Variants in USP25 observed in about 807,000 individuals in gnomAD.
The protein encoded by USP25 is ubiquitin specific peptidase 25, also known as ubiquitin carboxyl-terminal hydrolase 25.
USP25 carries 85 observed loss-of-function variants against 158.5 expected under a neutral mutation model. That is an observed-to-expected ratio of 0.54 (90% CI 0.45 to 0.64). The LOEUF (loss-of-function observed/expected upper bound fraction) is 0.64, where lower values mean the gene tolerates loss of function less well. USP25 is among the 30% of genes least tolerant of loss of function. The probability of loss-of-function intolerance (pLI) is 0.00; values close to 1 mark genes in which losing one functional copy is unlikely to be tolerated. For synonymous variants in USP25, 464 were observed against 460.4 expected (o/e 1.01, Z -0.10); for missense variants, 1,242 against 1,327.3 (o/e 0.94, Z 1.00).
chr21:15,835,884 T>C (rs1273681279), intron 17 of USP25, among the ~76,000 whole-genome samples: 1 of 152,196 alleles, frequency 6.6e-6, no homozygotes, highest in Non-Finnish European at 1.5e-5. Context: ...ATCTTTGAGA[T>C]TATATTAAGA....
chr21:15,822,651 A>G (rs1453213883), intron 10 of USP25, among the ~76,000 whole-genome samples: 1 of 151,978 alleles, frequency 6.6e-6, no homozygotes, highest in South Asian at 2.1e-4. Flanking sequence ...TAAAGAATCA[A>G]AAGTGTTCTT....
chr21:15,759,893 G>A (rs2033623863), intron 1 of USP25, among the ~76,000 whole-genome samples: 1 of 152,056 alleles, frequency 6.6e-6, no homozygotes, highest in Admixed American at 6.5e-5. Context: ...TTCTCAATTC[G>A]GCTCTGTAAA....
In USP25 at chr21:15,877,845, A is replaced by T; in HGVS notation, c.3059A>T (p.Glu1020Val). 6.2e-7 allele frequency: 1 copy of T among 1,613,284 alleles called. No individual in the cohort carries two copies. The change falls in exon 25 of 26, where the codon GAA becomes GTA. Residue 1020 changes from glutamate to valine, a missense_variant. Glu to Val is a moderately radical substitution (Grantham distance 121). Around this residue, in one of 3 missense-constraint regions of USP25, gnomAD observed 608 missense variants for 605.2 expected, o/e 1.00. Coordinates refer to ENST00000400183, the MANE Select transcript of USP25 (RefSeq NM_001283041.3). ...CTCTTCGAATCTGGAGAGGATCGAG[A>T]AGTAAACAATGGTTTGATTATCATG... ...AELFESGEDR[E>V]VNNGLIIMNE...
chr21:15,841,369 T>C (rs900793226), intron 17 of USP25, among the ~76,000 whole-genome samples: 12 of 152,186 alleles, frequency 7.9e-5, no homozygotes, highest in African/African-American at 2.7e-4. Flanking sequence ...TCTAATTCGT[T>C]CTTCACAATA....
chr21:15,805,055 T>A lies in USP25; in HGVS notation c.643-66T>A, dbSNP rs139765844. 9.6e-6 allele frequency: 14 copies of A among 1,460,760 alleles called. No homozygotes were observed. The South Asian group carries it at 1.7e-4, about 18-fold the overall frequency. 90.5% of individuals were successfully genotyped at this position (1,460,760 alleles called of 1,614,324 possible). A position where few individuals can be genotyped will look rare whatever the true frequency, so the allele number is the denominator to read the frequency against. ...TTTTGGTTACTGTTAAAATGAATAT[T>A]TATTAGTAAAAATTTTCTTAATCTT... On this transcript the variant is annotated intron_variant, in intron 6 of 25. Coordinates refer to ENST00000400183, the MANE Select transcript of USP25 (RefSeq NM_001283041.3).
At chr21:15,863,993 C>T (rs959539816) in intron 20 of USP25, among the ~76,000 whole-genome samples, 15 of 147,168 alleles carry the variant, frequency 1.0e-4, no homozygotes, top group African/African-American at 3.3e-4. Context: ...GCCGAGATCA[C>T]GCCACTGCAA....
chr21:15,818,235 A>G (rs898442091), intron 9 of USP25, among the ~76,000 whole-genome samples: 1 of 152,132 alleles, frequency 6.6e-6, no homozygotes, highest in Non-Finnish European at 1.5e-5. Context: ...TATACCTCTC[A>G]CATAATTCTG....
intron 1 of USP25, among the ~76,000 whole-genome samples, chr21:15,755,926 T>C (rs1156640222): frequency 1.3e-5 from 2 of 151,984 alleles, no homozygotes; most frequent in East Asian, 3.9e-4. Context: ...GGGAGATGAG[T>C]GTGCCTGAAG....
intron 16 of USP25, 71 bp downstream of exon 16, chr21:15,831,700 T>C (rs1383657611): frequency 2.5e-6 from 3 of 1,219,870 alleles, no homozygotes; most frequent in Admixed American, 3.7e-5. Context: ...GTGTGATTAG[T>C]TAAGTGTAAT....
At chr21:15,827,365 A>G (rs1464640206) in intron 14 of USP25, among the ~76,000 whole-genome samples, 162 bp downstream of exon 14, 1 of 152,152 alleles carries the variant, frequency 6.6e-6, no homozygotes, top group Non-Finnish European at 1.5e-5. Flanking sequence ...CCCCATTTTT[A>G]TAATCTCAAT....
chr21:15,860,871 C>T (rs1017545342), intron 20 of USP25, among the ~76,000 whole-genome samples: 3 of 151,328 alleles, frequency 2.0e-5, no homozygotes, highest in Admixed American at 2.0e-4. Flanking sequence ...ATCAGTTTCC[C>T]ATTAGATTTA....
intron 1 of USP25, among the ~76,000 whole-genome samples, chr21:15,761,125 C>T (rs962296164): frequency 6.6e-6 from 1 of 152,200 alleles, no homozygotes; most frequent in Non-Finnish European, 1.5e-5. Context: ...GATGCTTCCT[C>T]AAGATTAGAT....
intron 1 of USP25, among the ~76,000 whole-genome samples, chr21:15,742,036 G>A (rs2032104565): frequency 6.6e-6 from 1 of 151,986 alleles, no homozygotes; most frequent in East Asian, 1.9e-4. Flanking sequence ...AGAACATAGT[G>A]CAGTTGCAGG....
chr21:15,827,308 G>C, intron 14 of USP25, 105 bp downstream of exon 14: 1 of 994,174 alleles, frequency 1.0e-6, no homozygotes. Flanking sequence ...AAATATTATA[G>C]TCATTTTTCT....
intron 10 of USP25, among the ~76,000 whole-genome samples, chr21:15,819,421 C>T (rs1482281074): frequency 6.6e-6 from 1 of 152,102 alleles, no homozygotes; most frequent in Non-Finnish European, 1.5e-5. Context: ...TCTGTGTAGC[C>T]ATTCATCCAT....
At chr21:15,730,552 C>A (rs1004696220) in intron 1 of USP25, 114 bp downstream of exon 1, 1 of 1,172,192 alleles carries the variant, frequency 8.5e-7, no homozygotes, top group Non-Finnish European at 1.1e-6. Context: ...GCTTCCTCCC[C>A]GGTCACCCCC....
rs1568920823 is a variant in USP25 at position 15,875,761 on chromosome 21, T to C, written c.3009+1235T>C. Reference sequence around the variant, plus strand: ...ATGAGGAAGTGGGGTAAGGTGGAAGTGATGAAGCTGACAATACTTGTCGAT... The same window carrying C: ...ATGAGGAAGTGGGGTAAGGTGGAAGCGATGAAGCTGACAATACTTGTCGAT... On this transcript the variant is annotated intron_variant, in intron 24 of 25. Transcript: ENST00000400183. This position sits in a 1 kb window ranked among gnomAD's most constrained non-coding sequence, Gnocchi z 4.7. Among the ~76,000 whole-genome samples the C allele has an allele frequency of 6.6e-6, 1 of 152,138 alleles. No individual in the cohort carries two copies. Among genetic ancestry groups the C allele is most frequent in the East Asian group, 1.9e-4 (1 of 5,200 alleles).
chr21:15,870,912 A>G (rs181262494), intron 23 of USP25, among the ~76,000 whole-genome samples: 5 of 152,342 alleles, frequency 3.3e-5, no homozygotes, highest in Non-Finnish European at 7.3e-5. Flanking sequence ...ATGCTGTCCA[A>G]CATAGCGGCC....
In USP25 at chr21:15,833,547, A is replaced by C; in HGVS notation, c.2193A>C (p.Thr731=). 6.2e-7 allele frequency: 1 copy of C among 1,610,410 alleles called. No homozygotes were observed. Among genetic ancestry groups the C allele is most frequent in the Non-Finnish European group, 8.5e-7 (1 of 1,178,486 alleles). The change falls in exon 17 of 26, where the codon ACA becomes ACC. Residue 731 remains threonine (T), a splice_region_variant and synonymous_variant. Transcript: ENST00000400183. ...GAGAGTCAGAGACTTCTGTGACAAC[A>C]GGTTTGTCCATTTTTATTAAGTTGT... ...KLRESETSVT[T]AQAAGDPEYL...
Sources: allele counts gnomAD v4.1 joint callset (sites outside exome capture counted in the v4.1 genomes callset), GRCh38; gene constraint gnomAD v4.1.1; regional missense constraint gnomAD v4.1.1; non-coding constraint Gnocchi (gnomAD v3.1); transcripts MANE v1.5; gene names NCBI Gene and HGNC (gene_info 2026-07-23, HGNC 2026-07-21).